Variants in DDHD2 observed in about 807,000 individuals in gnomAD.
The protein encoded by DDHD2 is triacylglycerol hydrolase DDHD2.
A neutral mutation model predicts 91.2 loss-of-function variants in DDHD2; 62 were observed. The observed-to-expected ratio is 0.68, with a 90% CI of 0.55 to 0.84. DDHD2 has a LOEUF of 0.84. DDHD2 is among the 40% of genes least tolerant of loss of function. The pLI is 0.00. For missense variants in DDHD2, 740 were observed against 846.9 expected (o/e 0.87, Z 1.57); for synonymous variants, 271 against 293.9 (o/e 0.92, Z 0.80).
At chr8:38,251,861 G>T in intron 11 of DDHD2, 51 bp from the exon 12 acceptor site, 1 of 1,355,260 alleles carries the variant, frequency 7.4e-7, no homozygotes. Context: ...GGGACTACAG[G>T]TGCATGCCGT....
chr8:38,258,355 T>C (rs1042104232), intron 16 of DDHD2, among the ~76,000 whole-genome samples: 1 of 151,776 alleles, frequency 6.6e-6, no homozygotes, highest in Non-Finnish European at 1.5e-5. Flanking sequence ...TGGGTTCAAA[T>C]GATTTTCCTG....
chr8:38,272,897 T>A (rs1224794947), downstream of DDHD2: 1 of 152,242 alleles, frequency 6.6e-6, no homozygotes, highest in Non-Finnish European at 1.5e-5. Flanking sequence ...ATCTATAATC[T>A]GCAACTTAAA....
chr8:38,241,431 C>A (rs964947388), intron 6 of DDHD2, among the ~76,000 whole-genome samples: 5 of 141,396 alleles, frequency 3.5e-5, no homozygotes, highest in Admixed American at 2.1e-4. Flanking sequence ...ATATTATTTT[C>A]TTTCCTGAGA....
chr8:38,238,273 C>CG, intron 5 of DDHD2, 64 bp downstream of exon 5: 1 of 1,598,766 alleles, frequency 6.3e-7, no homozygotes, highest in Non-Finnish European at 8.5e-7. Flanking sequence ...AAATTGTGAC[C>CG]TTTTTCTGTG....
At chr8:38,265,641 T>C (rs1327201963), downstream of DDHD2, 1 of 152,380 alleles carries the variant, frequency 6.6e-6, no homozygotes, top group Non-Finnish European at 1.5e-5. Flanking sequence ...TTGGCCAGGC[T>C]GGTCTCGAAT....
chr8:38,242,789 C>T (rs561060529), intron 7 of DDHD2, among the ~76,000 whole-genome samples: 1 of 152,106 alleles, frequency 6.6e-6, no homozygotes, highest in East Asian at 1.9e-4. Flanking sequence ...GGGGGGATTT[C>T]TCAAACATTA....
intron 1 of DDHD2, chr8:38,269,095 C>T (rs1343810198): frequency 2.0e-6 from 3 of 1,526,506 alleles, no homozygotes; most frequent in Non-Finnish European, 2.6e-6. Context: ...GGAAGCGGGG[C>T]CGCCCGGGCC....
intron 6 of DDHD2, 148 bp downstream of exon 6, chr8:38,240,512 C>T (rs933175298): frequency 6.5e-5 from 31 of 475,684 alleles, no homozygotes; most frequent in East Asian, 4.4e-4. Context: ...TCAGCTTAGA[C>T]CTGAAGTGCT....
downstream of DDHD2, chr8:38,267,289 G>A (rs1807771712): frequency 6.2e-7 from 1 of 1,614,008 alleles, no homozygotes. Flanking sequence ...CACTGGGGAA[G>A]CTCTTTCGGC....
chr8:38,247,740 G>T lies in DDHD2; in HGVS notation c.1153G>T (p.Gly385Ter). The T allele has an allele frequency of 6.5e-7, 1 of 1,545,738 alleles. No homozygotes were observed. The highest frequency in any genetic ancestry group is 1.2e-5 in the South Asian group (1 of 82,572). ...KDSLNIVMDQ[G>*]DTPTLEEDLK... Reference sequence around the variant, plus strand: ...TTCGCTAAATATTGTAATGGATCAAGGAGATACACCTACACTAGAGGAAGA... The same window carrying T: ...TTCGCTAAATATTGTAATGGATCAATGAGATACACCTACACTAGAGGAAGA... The change falls in exon 10 of 18, where the codon GGA (glycine) becomes TGA (stop). Residue 385 changes from glycine (G) to a stop codon, truncating the protein, a stop_gained. Transcript: ENST00000397166. LOFTEE classifies it high-confidence loss of function.
chr8:38,248,473 G>T (rs1805827977), intron 10 of DDHD2, among the ~76,000 whole-genome samples: 1 of 151,812 alleles, frequency 6.6e-6, no homozygotes, highest in Non-Finnish European at 1.5e-5. Flanking sequence ...CCAAGTACTG[G>T]ATAGACTGGT....
intron 10 of DDHD2, among the ~76,000 whole-genome samples, chr8:38,248,366 A>AT (rs1805816524): frequency 4.0e-5 from 5 of 124,358 alleles, no homozygotes; most frequent in African/African-American, 1.5e-4. Flanking sequence ...CAGCCAGCTG[A>AT]TTTGTTTTTT....
At chr8:38,253,198 T>A (rs903370652) in intron 15 of DDHD2, 71 bp downstream of exon 15, 3 of 1,347,786 alleles carry the variant, frequency 2.2e-6, no homozygotes, top group Non-Finnish European at 3.0e-6. Context: ...TTTTCATAGT[T>A]AATTTAATTT....
chr8:38,243,106 AAC>A (rs2130798443), intron 7 of DDHD2, among the ~76,000 whole-genome samples: 1 of 152,302 alleles, frequency 6.6e-6, no homozygotes, highest in Non-Finnish European at 1.5e-5. Flanking sequence ...CTGTTTGCCA[AAC>A]ACTGTGGTGG....
downstream of DDHD2, chr8:38,267,198 A>G (rs769991653): frequency 2.5e-6 from 4 of 1,613,022 alleles, no homozygotes; most frequent in African/African-American, 5.3e-5. Flanking sequence ...TCCCATCCCT[A>G]CTAGCTTTCT....
intron 7 of DDHD2, among the ~76,000 whole-genome samples, chr8:38,245,207 A>G (rs7831176): frequency 1 from 151,140 of 151,768 alleles, 75,264 homozygotes; most frequent in East Asian, 1. Context: ...CGAGGCAGGT[A>G]GATCATCTGA....
At chr8:38,240,964 G>A (rs556008234) in intron 6 of DDHD2, among the ~76,000 whole-genome samples, 10 of 151,940 alleles carry the variant, frequency 6.6e-5, no homozygotes, top group East Asian at 1.9e-4. Flanking sequence ...CCAGCTACTC[G>A]GGAGGCTGAG....
At chr8:38,259,417 C>T (rs897410871) in intron 16 of DDHD2, among the ~76,000 whole-genome samples, 23 of 149,814 alleles carry the variant, frequency 1.5e-4, no homozygotes, top group Non-Finnish European at 3.0e-5. Flanking sequence ...GACGGAGTCT[C>T]GCCTATCTGC....
intron 16 of DDHD2, chr8:38,255,355 A>T: frequency 2.0e-6 from 1 of 509,766 alleles, no homozygotes; most frequent in Non-Finnish European, 3.9e-6. Context: ...AATGCTAAGA[A>T]TGATCTCTGG....
Sources: allele counts gnomAD v4.1 joint callset (sites outside exome capture counted in the v4.1 genomes callset), GRCh38; gene constraint gnomAD v4.1.1; transcripts MANE v1.5; gene names NCBI Gene and HGNC (gene_info 2026-07-23, HGNC 2026-07-21).